Variants in DSCAM observed in about 807,000 individuals in gnomAD.
DSCAM encodes the protein DS cell adhesion molecule.
DSCAM carries 47 observed loss-of-function variants against 217.7 expected under a neutral mutation model. The observed-to-expected ratio is 0.22, with a 90% CI of 0.17 to 0.28. The LOEUF (loss-of-function observed/expected upper bound fraction) is 0.28, where lower values mean the gene tolerates loss of function less well. DSCAM is among the 10% of genes least tolerant of loss of function. The probability of loss-of-function intolerance (pLI) is 1.00; values close to 1 mark genes in which losing one functional copy is unlikely to be tolerated. For synonymous variants in DSCAM, 1,056 were observed against 1,015.3 expected, an observed-to-expected ratio of 1.04 and a Z score of -0.76; for missense variants, 2,080 against 2,618.3, an observed-to-expected ratio of 0.79 and a Z score of 4.49.
intron 8 of DSCAM, among the ~76,000 whole-genome samples, chr21:40,333,993 A>G (rs1202668640): frequency 6.6e-6 from 1 of 152,244 alleles, no homozygotes; most frequent in Non-Finnish European, 1.5e-5. Flanking sequence ...ATCTAAAAAT[A>G]GGTAAACTTA....
intron 11 of DSCAM, among the ~76,000 whole-genome samples, chr21:40,211,516 A>C (rs1004459118): frequency 1.3e-5 from 2 of 152,208 alleles, no homozygotes; most frequent in East Asian, 3.9e-4. Context: ...TGCATGAGAG[A>C]TCCAGTTTCT....
chr21:40,596,594 C>A (rs535156803), intron 3 of DSCAM, among the ~76,000 whole-genome samples: 1 of 152,240 alleles, frequency 6.6e-6, no homozygotes, highest in African/African-American at 2.4e-5. Flanking sequence ...AGGTAAATAT[C>A]TTAAAAACAA....
rs536765205 is a variant in DSCAM, at chr21:40,750,866, C to T, written c.44-42095G>A. 9.9e-5 allele frequency among the ~76,000 whole-genome samples: 15 copies of T among 152,280 alleles called. No individual in the cohort carries two copies. The South Asian group carries it at 3.1e-3, about 32-fold the overall frequency. On this transcript the variant is annotated intron_variant, in intron 1 of 32. Coordinates refer to ENST00000400454, the MANE Select transcript of DSCAM (RefSeq NM_001389.5). Reference sequence around the variant, plus strand: ...CCTTTGTGATGCACCCAGCACGCTGCTCCTTTCCCCATGTCCACACCATCT... The same window carrying T: ...CCTTTGTGATGCACCCAGCACGCTGTTCCTTTCCCCATGTCCACACCATCT...
At chr21:40,634,906 A>T (rs373780017) in intron 3 of DSCAM, among the ~76,000 whole-genome samples, 3 of 152,208 alleles carry the variant, frequency 2.0e-5, no homozygotes, top group African/African-American at 7.2e-5. Context: ...TTTTCTCTAC[A>T]ACACTTTTCA....
At chr21:40,482,550 A>G (rs1448867033) in intron 3 of DSCAM, among the ~76,000 whole-genome samples, 2 of 152,202 alleles carry the variant, frequency 1.3e-5, no homozygotes, top group East Asian at 3.8e-4. Flanking sequence ...AAATTGGACT[A>G]AAGGAAAAAC....
intron 29 of DSCAM, among the ~76,000 whole-genome samples, 176 bp from the exon 30 acceptor site, chr21:40,052,283 G>C (rs556530687): frequency 2.6e-5 from 4 of 152,292 alleles, no homozygotes; most frequent in African/African-American, 9.6e-5. Flanking sequence ...TTACTCTAGA[G>C]TGCTAGGAAT....
chr21:40,051,931 A>G (rs1296132828), intron 30 of DSCAM, 27 bp downstream of exon 30: 3 of 1,593,654 alleles, frequency 1.9e-6, no homozygotes, highest in Non-Finnish European at 2.6e-6. Context: ...TAACACCCAC[A>G]CATTTTAAGC....
intron 3 of DSCAM, among the ~76,000 whole-genome samples, chr21:40,451,525 G>A (rs760673921): frequency 2.0e-5 from 3 of 152,202 alleles, no homozygotes; most frequent in Admixed American, 1.3e-4. Flanking sequence ...TGTGGGGCTC[G>A]TATCATGTCA....
At chr21:40,734,972 T>C (rs1220241369) in intron 1 of DSCAM, among the ~76,000 whole-genome samples, 1 of 152,234 alleles carries the variant, frequency 6.6e-6, no homozygotes, top group Non-Finnish European at 1.5e-5. Flanking sequence ...CTTGTTATTG[T>C]CACAAAACAG....
chr21:40,281,521 G>A (rs2073759332), intron 10 of DSCAM, among the ~76,000 whole-genome samples: 3 of 152,050 alleles, frequency 2.0e-5, no homozygotes, highest in South Asian at 2.1e-4. Context: ...GAAGAATTTC[G>A]GACCAAAGGT....
At chr21:40,550,506 C>A (rs2076621129) in intron 3 of DSCAM, among the ~76,000 whole-genome samples, 2 of 152,146 alleles carry the variant, frequency 1.3e-5, no homozygotes, top group Non-Finnish European at 2.9e-5. Context: ...GAATGAGTGA[C>A]AGAGCAAGAA....
intron 3 of DSCAM, among the ~76,000 whole-genome samples, chr21:40,402,155 G>A (rs2123777953): frequency 7.3e-6 from 1 of 137,356 alleles, no homozygotes; most frequent in Admixed American, 8.5e-5. Context: ...CGCCTCCTGG[G>A]TTCACGTCAT....
chr21:40,672,374 G>A (rs1463609754), intron 3 of DSCAM, among the ~76,000 whole-genome samples: 1 of 152,126 alleles, frequency 6.6e-6, no homozygotes, highest in Non-Finnish European at 1.5e-5. Context: ...GCTGGAAAGA[G>A]AGGTCCCTGT....
At chr21:40,166,426 A>G (rs1014889830) in intron 16 of DSCAM, among the ~76,000 whole-genome samples, 1 of 152,248 alleles carries the variant, frequency 6.6e-6, no homozygotes. Context: ...GCCATCTCCA[A>G]GAGCACATTC....
In DSCAM at chr21:40,357,933, T is replaced by C. The variant is rs545501242; in HGVS notation, c.656-4190A>G. ...GTTCTTCAGTAATACAGATTTTAGTTACACTAGAGTGGAATATTGAAGATA... is the reference window on the plus strand; with the variant it reads ...GTTCTTCAGTAATACAGATTTTAGTCACACTAGAGTGGAATATTGAAGATA... On this transcript the variant is annotated intron_variant, in intron 4 of 32. Coordinates refer to ENST00000400454, the MANE Select transcript of DSCAM (RefSeq NM_001389.5). Among the ~76,000 whole-genome samples the C allele has an allele frequency of 5.3e-5, 8 of 152,288 alleles. No homozygotes were observed. In the South Asian group the frequency reaches 1.7e-3, roughly 32 times the overall value.
chr21:40,723,001 A>AGGTACATTT, intron 1 of DSCAM, among the ~76,000 whole-genome samples: 1 of 152,154 alleles, frequency 6.6e-6, no homozygotes, highest in Non-Finnish European at 1.5e-5. Flanking sequence ...CTAATAAAAG[A>AGGTACATTT]GCTTCAGAGG....
At chr21:40,584,360 C>T (rs2076927923) in intron 3 of DSCAM, among the ~76,000 whole-genome samples, 1 of 152,144 alleles carries the variant, frequency 6.6e-6, no homozygotes, top group South Asian at 2.1e-4. Flanking sequence ...TAAAAGGAAC[C>T]TTGGAATTAT....
chr21:40,790,515 GCA>G, intron 1 of DSCAM, among the ~76,000 whole-genome samples: 1 of 152,252 alleles, frequency 6.6e-6, no homozygotes, highest in Middle Eastern at 3.4e-3. Flanking sequence ...TTTGCCCTCT[GCA>G]ATGAAATTGC....
At chr21:40,538,204 C>G (rs2076514754) in intron 3 of DSCAM, among the ~76,000 whole-genome samples, 1 of 152,156 alleles carries the variant, frequency 6.6e-6, no homozygotes, top group Non-Finnish European at 1.5e-5. Flanking sequence ...CCTCTCCACT[C>G]AGAGGTCACG....
Sources: gnomAD v4.1 joint callset for allele counts (sites outside exome capture counted in the v4.1 genomes callset) on GRCh38, gnomAD v4.1.1 for gene constraint, MANE v1.5 for transcripts, NCBI Gene and HGNC (gene_info 2026-07-23, HGNC 2026-07-21) for gene names.